RPL31: variants seen among roughly 807,000 people sequenced by gnomAD.
RPL31 encodes large ribosomal subunit protein eL31.
For synonymous variants in RPL31, 51 were observed against 55.0 expected (o/e 0.93, Z 0.32); for missense variants, 95 against 164.0 (o/e 0.58, Z 2.30).
downstream of RPL31, chr2:101,008,339 C>G: frequency 7.8e-7 from 1 of 1,274,328 alleles, no homozygotes; most frequent in African/African-American, 1.5e-5. Context: ...TTTTTTTAAA[C>G]ATACCTGTGA....
Position 101,004,248 on chromosome 2 carries a change from C to T in RPL31, c.198C>T (p.Thr66=). ...GAACTCCAGATGTGCGCATTGACAC[C>T]AGGCTCAACAAAGCTGTCTGGGCCA... The part of the protein sequence containing the change: ...EMGTPDVRID[T]RLNKAVWAKG... Residue 66 remains threonine, a synonymous_variant, in exon 3 of 5, where the codon ACC becomes ACT. Transcript: ENST00000264258. 1 of 1,614,120 alleles carries T rather than the reference C, an allele frequency of 6.2e-7. No homozygotes were observed. The highest frequency in any genetic ancestry group is 8.5e-7 in the Non-Finnish European group (1 of 1,180,016).
chr2:101,018,984 TATTTCTGTGCTA>T lies in RPL31; in HGVS notation c.347-13_347-2del, dbSNP rs1462845871. ...TGACATGGTACCAAATCATCTGTAA[TATTTCTGTGCTA>T]GTTTCTGTGCTAAACAGTGTTACAG... is the stretch of plus-strand genomic sequence containing the variant. On this transcript the variant is annotated splice_acceptor_variant and splice_polypyrimidine_tract_variant and intron_variant, in intron 4 of 4. Transcript: ENST00000409028. LOFTEE classifies it high-confidence loss of function. 2 of 1,611,202 alleles carry T rather than the reference TATTTCTGTGCTA, an allele frequency of 1.2e-6. No homozygotes were observed. The highest frequency in any genetic ancestry group is 1.7e-6 in the Non-Finnish European group (2 of 1,178,838).
At chr2:101,017,784 C>T (rs1270855176) in intron 4 of RPL31, 19 of 1,507,190 alleles carry the variant, frequency 1.3e-5, no homozygotes, top group Non-Finnish European at 1.5e-5. Context: ...AAAATCTTGA[C>T]AAGCTCAGGA....
intron 3 of RPL31, 73 bp from the exon 4 acceptor site, chr2:101,005,886 A>G: frequency 8.0e-7 from 1 of 1,243,718 alleles, no homozygotes. Flanking sequence ...CATATGAGAT[A>G]TGTGAATACA....
chr2:101,012,855 T>G (rs1405436062), intron 4 of RPL31, among the ~76,000 whole-genome samples: 1 of 152,206 alleles, frequency 6.6e-6, no homozygotes, highest in East Asian at 1.9e-4. Context: ...AGCAAAGCTT[T>G]GGAAAGCTAC....
At chr2:101,018,073 C>CCCAT in intron 4 of RPL31, 2 of 751,906 alleles carry the variant, frequency 2.7e-6, no homozygotes, top group Non-Finnish European at 4.2e-6. Context: ...ACAATCTAGG[C>CCCAT]TAATGGGACT....
At chr2:101,009,484 T>G (rs1471673339), downstream of RPL31, among the ~76,000 whole-genome samples, 2 of 152,050 alleles carry the variant, frequency 1.3e-5, no homozygotes, top group East Asian at 3.9e-4. Context: ...CCATGGTTAT[T>G]CTGAAAGGAA....
downstream of RPL31, among the ~76,000 whole-genome samples, chr2:101,008,811 TA>T (rs34291098): frequency 0.012 from 1,674 of 145,406 alleles, 25 homozygotes; most frequent in African/African-American, 0.036. Flanking sequence ...AACTTTGTCT[TA>T]AAAAAAAAAA....
intron 4 of RPL31, among the ~76,000 whole-genome samples, chr2:101,014,875 C>G (rs1679498630): frequency 6.6e-6 from 1 of 152,226 alleles, no homozygotes; most frequent in Non-Finnish European, 1.5e-5. Context: ...CACATGCTCT[C>G]TATCTTTGGT....
exon 5 of RPL31, chr2:101,019,375 C>T: frequency 5.2e-6 from 1 of 192,438 alleles, no homozygotes; most frequent in South Asian, 1.8e-4. Context: ...AAAAGTTTTT[C>T]ATTATGAAAG....
At chr2:101,006,105 C>T in intron 4 of RPL31, 34 bp downstream of exon 4, 1 of 1,602,908 alleles carries the variant, frequency 6.2e-7, no homozygotes, top group South Asian at 1.1e-5. Context: ...CATTTAAATT[C>T]ATTAGAAAAA....
chr2:101,006,427 T>G lies in RPL31; in HGVS notation c.*46T>G, dbSNP rs758701570. ...TAAAGTTATAAAATTGCCTTCATGT[T>G]TTTGTTCTTTTTAGTTGCAACATAA... On this transcript the variant is annotated 3_prime_UTR_variant, in exon 5 of 5. Coordinates refer to ENST00000264258, the MANE Select transcript of RPL31 (RefSeq NM_000993.5). The G allele has an allele frequency of 1.4e-4, 218 of 1,574,858 alleles. No homozygotes were observed. The highest frequency in any genetic ancestry group is 1.8e-4 in the Non-Finnish European group (210 of 1,158,272).
chr2:101,004,382 C>G, intron 3 of RPL31, 99 bp downstream of exon 3: 1 of 1,281,986 alleles, frequency 7.8e-7, no homozygotes, highest in South Asian at 1.4e-5. Flanking sequence ...TTGGTTAATG[C>G]ATGTGGAAGT....
chr2:101,012,353 T>C (rs1423301177), intron 4 of RPL31, among the ~76,000 whole-genome samples: 8 of 152,206 alleles, frequency 5.3e-5, no homozygotes, highest in Non-Finnish European at 1.2e-4. Context: ...TGCAATGGAA[T>C]ATTTGGCCAT....
At chr2:101,013,269 C>T (rs1363642911) in intron 4 of RPL31, among the ~76,000 whole-genome samples, 2 of 152,158 alleles carry the variant, frequency 1.3e-5, no homozygotes, top group Non-Finnish European at 2.9e-5. Flanking sequence ...ACTCATTCCA[C>T]GATCTATTGA....
chr2:101,010,881 C>CA (rs35511736), downstream of RPL31: 158,988 of 1,265,514 alleles, frequency 0.13, no homozygotes, highest in East Asian at 0.14. Context: ...GACTCCATCT[C>CA]AAAAAAAAAA....
downstream of RPL31, chr2:101,011,598 A>G (rs1215491851): frequency 6.4e-7 from 1 of 1,574,270 alleles, no homozygotes; most frequent in Non-Finnish European, 8.7e-7. Flanking sequence ...CAAAACTGAC[A>G]GTAATGTAGC....
At chr2:101,008,357 G>GA (rs963382664), downstream of RPL31, 21 of 1,074,802 alleles carry the variant, frequency 2.0e-5, no homozygotes, top group African/African-American at 3.2e-4. Context: ...TGAGCTTTGA[G>GA]AAAACGACAC....
At chr2:101,008,340 A>G, downstream of RPL31, 1 of 1,269,614 alleles carries the variant, frequency 7.9e-7, no homozygotes, top group Non-Finnish European at 1.1e-6. Context: ...TTTTTTAAAC[A>G]TACCTGTGAG....
Sources: allele counts gnomAD v4.1 joint callset (sites outside exome capture counted in the v4.1 genomes callset), GRCh38; gene constraint gnomAD v4.1.1; transcripts MANE v1.5; gene names NCBI Gene and HGNC (gene_info 2026-07-23, HGNC 2026-07-21).